Variants in MLLT3 observed in about 807,000 individuals in gnomAD.
The protein encoded by MLLT3 is MLLT3 super elongation complex subunit, also known as protein AF-9.
In MLLT3, 4 loss-of-function variants were observed where a neutral mutation model predicts 53.2. The ratio of observed to expected loss-of-function variants is 0.08; its 90% CI spans 0.04 to 0.17. MLLT3 has a LOEUF of 0.17. MLLT3 is among the 10% of genes least tolerant of loss of function. The pLI is 1.00. For missense variants in MLLT3, 569 were observed against 684.0 expected, an observed-to-expected ratio of 0.83 and a Z score of 1.87; for synonymous variants, 283 against 230.6, an observed-to-expected ratio of 1.23 and a Z score of -2.06.
chr9:20,536,706 T>C (rs1818495142), intron 2 of MLLT3, among the ~76,000 whole-genome samples: 1 of 152,222 alleles, frequency 6.6e-6, no homozygotes, highest in Non-Finnish European at 1.5e-5. Flanking sequence ...TAATCTTTTG[T>C]AGTAGTGCCT....
intron 2 of MLLT3, among the ~76,000 whole-genome samples, chr9:20,610,609 G>A (rs1289323660): frequency 2.0e-5 from 3 of 152,016 alleles, no homozygotes; most frequent in Non-Finnish European, 4.4e-5. Flanking sequence ...AAAATTCCAG[G>A]GTCAAGACAT....
At chr9:20,389,821 C>G (rs1040409087) in intron 5 of MLLT3, among the ~76,000 whole-genome samples, 2 of 152,114 alleles carry the variant, frequency 1.3e-5, no homozygotes, top group African/African-American at 2.4e-5. Flanking sequence ...GGAAAGAAAA[C>G]CACTTTAAAT....
chr9:20,553,753 G>C (rs1042663536), intron 2 of MLLT3, among the ~76,000 whole-genome samples: 5 of 151,886 alleles, frequency 3.3e-5, no homozygotes, highest in Non-Finnish European at 7.4e-5. Context: ...GAAACAACAG[G>C]AGCTTGAATA....
chr9:20,514,685 T>C (rs948348892), intron 2 of MLLT3, among the ~76,000 whole-genome samples: 1 of 151,996 alleles, frequency 6.6e-6, no homozygotes, highest in Non-Finnish European at 1.5e-5. Context: ...TGTATAAAGA[T>C]ATGACCTAGG....
At chr9:20,394,902 C>T (rs948247723) in intron 5 of MLLT3, among the ~76,000 whole-genome samples, 2 of 152,090 alleles carry the variant, frequency 1.3e-5, no homozygotes, top group African/African-American at 4.8e-5. Context: ...CCCTCCCCCA[C>T]CAACTTCTTT....
At chr9:20,576,646 T>C (rs189958353) in intron 2 of MLLT3, among the ~76,000 whole-genome samples, 2 of 152,238 alleles carry the variant, frequency 1.3e-5, no homozygotes, top group East Asian at 1.9e-4. Flanking sequence ...GCACGCTTCA[T>C]GGCAACACAA....
chr9:20,606,707 C>T (rs1820580409), intron 2 of MLLT3, among the ~76,000 whole-genome samples: 1 of 151,830 alleles, frequency 6.6e-6, no homozygotes, highest in African/African-American at 2.4e-5. Context: ...TTTTTTTTCT[C>T]CAAGTAAGCA....
At chr9:20,420,080 A>T (rs184277747) in intron 4 of MLLT3, among the ~76,000 whole-genome samples, 14 of 149,764 alleles carry the variant, frequency 9.3e-5, no homozygotes, top group African/African-American at 3.5e-4. Flanking sequence ...TAAAAATTGG[A>T]TTATGAGCAA....
At chr9:20,360,998 A>C (rs536368744) in intron 7 of MLLT3, among the ~76,000 whole-genome samples, 157 bp from the exon 8 acceptor site, 1 of 152,224 alleles carries the variant, frequency 6.6e-6, no homozygotes, top group East Asian at 1.9e-4. Context: ...TTACTTTGTA[A>C]CTGGAACTGT....
chr9:20,618,309 A>C (rs1427958282), intron 2 of MLLT3, among the ~76,000 whole-genome samples: 4 of 152,210 alleles, frequency 2.6e-5, no homozygotes, highest in African/African-American at 4.8e-5. Flanking sequence ...CTTATTCTAT[A>C]TTTATTCTTA....
intron 5 of MLLT3, among the ~76,000 whole-genome samples, chr9:20,392,647 G>A (rs1822217021): frequency 6.6e-6 from 1 of 152,096 alleles, no homozygotes; most frequent in Non-Finnish European, 1.5e-5. Flanking sequence ...TGGGGTTAAT[G>A]AATACATTAT....
intron 7 of MLLT3, chr9:20,362,615 T>C (rs1452536027): frequency 1.3e-5 from 2 of 151,412 alleles, no homozygotes; most frequent in African/African-American, 4.9e-5. Flanking sequence ...CTGAGATATC[T>C]AATGGGGCAC....
intron 4 of MLLT3, among the ~76,000 whole-genome samples, chr9:20,432,556 C>G (rs556914769): frequency 5.3e-5 from 8 of 152,044 alleles, no homozygotes; most frequent in African/African-American, 1.9e-4. Context: ...TGTCCTAATA[C>G]GTGGAGTTAG....
Position 20,620,862 on chromosome 9 carries a change from G to T in MLLT3, c.13-28C>A. The T allele has an allele frequency of 6.2e-7, 1 of 1,611,250 alleles. No individual in the cohort carries two copies. The highest frequency in any genetic ancestry group is 8.5e-7 in the Non-Finnish European group (1 of 1,178,412). ...GCGGGCAGGGGGAGGAGAGACAGCC[G>T]TGAATAACAGGAAGGCGAGGTTTCG... On this transcript the variant is annotated intron_variant, in intron 1 of 10. Transcript: ENST00000380338. The surrounding 1 kb of genome is among the most constrained non-coding windows in gnomAD (Gnocchi z 6.1).
intron 5 of MLLT3, among the ~76,000 whole-genome samples, chr9:20,386,131 TC>T (rs1165781004): frequency 6.6e-6 from 1 of 152,080 alleles, no homozygotes; most frequent in Non-Finnish European, 1.5e-5. Context: ...GTTAACAGGG[TC>T]CAAAAAGTAC....
At chr9:20,480,329 G>C (rs540942401) in intron 2 of MLLT3, among the ~76,000 whole-genome samples, 1 of 152,280 alleles carries the variant, frequency 6.6e-6, no homozygotes, top group South Asian at 2.1e-4. Flanking sequence ...GCATGAAATA[G>C]CTCTTTCATG....
At chr9:20,545,780 AG>A (rs1167739188) in intron 2 of MLLT3, among the ~76,000 whole-genome samples, 1 of 145,232 alleles carries the variant, frequency 6.9e-6, no homozygotes, top group African/African-American at 2.5e-5. Context: ...ACACTTTGGG[AG>A]GTCAGGATGG....
intron 5 of MLLT3, among the ~76,000 whole-genome samples, chr9:20,390,194 A>G (rs929332107): frequency 2.6e-5 from 4 of 152,242 alleles, no homozygotes; most frequent in Non-Finnish European, 5.9e-5. Context: ...ATAAATTAGA[A>G]AAATATGTTG....
intron 2 of MLLT3, among the ~76,000 whole-genome samples, chr9:20,530,692 T>G (rs187024356): frequency 1.4e-3 from 206 of 152,338 alleles, no homozygotes; most frequent in Non-Finnish European, 2.4e-3. Flanking sequence ...ATTTTGGGTT[T>G]TGCTTGCTCT....
Sources: allele counts gnomAD v4.1 joint callset (sites outside exome capture counted in the v4.1 genomes callset), GRCh38; gene constraint gnomAD v4.1.1; non-coding constraint Gnocchi (gnomAD v3.1); transcripts MANE v1.5; gene names NCBI Gene and HGNC (gene_info 2026-07-23, HGNC 2026-07-21).